LMCD1: variants seen among roughly 807,000 people sequenced by gnomAD.
The protein encoded by LMCD1 is LIM and cysteine-rich domains protein 1.
A neutral mutation model predicts 42.7 loss-of-function variants in LMCD1; 32 were observed. The ratio of observed to expected loss-of-function variants is 0.75; its 90% CI spans 0.57 to 1.01. LMCD1 has a LOEUF of 1.01. LMCD1 is among the 50% of genes least tolerant of loss of function. The pLI is 0.00. For missense variants in LMCD1, 458 were observed against 483.1 expected (o/e 0.95, Z 0.49); for synonymous variants, 178 against 184.9 (o/e 0.96, Z 0.30).
At chr3:8,512,188 AG>A (rs1218637194) in intron 1 of LMCD1, among the ~76,000 whole-genome samples, 1 of 152,250 alleles carries the variant, frequency 6.6e-6, no homozygotes, top group African/African-American at 2.4e-5. Flanking sequence ...TTTTGATGTT[AG>A]GAAGTGAGGA....
intron 3 of LMCD1, among the ~76,000 whole-genome samples, chr3:8,546,989 C>T (rs1241192810): frequency 1.3e-5 from 2 of 152,122 alleles, no homozygotes; most frequent in Non-Finnish European, 2.9e-5. Flanking sequence ...TAATTATTAC[C>T]ATTAATTGAA....
At chr3:8,520,798 C>A (rs1241540348) in intron 1 of LMCD1, among the ~76,000 whole-genome samples, 1 of 152,152 alleles carries the variant, frequency 6.6e-6, no homozygotes. Context: ...TAAAACAATG[C>A]CCACCCTTTG....
chr3:8,504,735 A>G (rs1693843342), intron 1 of LMCD1, among the ~76,000 whole-genome samples: 1 of 152,156 alleles, frequency 6.6e-6, no homozygotes, highest in Non-Finnish European at 1.5e-5. Context: ...TTCTATTAGG[A>G]AAGAGAAGGT....
At chr3:8,523,725 T>C (rs1220568595) in intron 1 of LMCD1, among the ~76,000 whole-genome samples, 2 of 152,162 alleles carry the variant, frequency 1.3e-5, no homozygotes, top group African/African-American at 4.8e-5. Flanking sequence ...AGGAAAAATA[T>C]AGATTGTGGA....
At chr3:8,519,196 TC>T (rs996459517) in intron 1 of LMCD1, among the ~76,000 whole-genome samples, 20 of 152,270 alleles carry the variant, frequency 1.3e-4, no homozygotes, top group Admixed American at 1.2e-3. Flanking sequence ...ATAATTACCA[TC>T]ATGGTAGATA....
chr3:8,570,667 G>C lies in LMCD1; in HGVS notation c.*3069G>C, dbSNP rs1004193132. The C allele has an allele frequency of 6.6e-6, 1 of 152,078 alleles. No homozygotes were observed. Among genetic ancestry groups the C allele is most frequent in the Admixed American group, 6.6e-5 (1 of 15,262 alleles). The allele number at this position is 152,078 out of a possible 1,614,324, so 9.4% of individuals were successfully genotyped here. ...GCTCAGACTGACAAGTCTCCCCGAC[G>C]GGAACTCACCCTCTCCACCCACCAC... is the stretch of plus-strand genomic sequence containing the variant. On this transcript the variant is annotated 3_prime_UTR_variant, in exon 6 of 6. Transcript: ENST00000157600.
chr3:8,502,417 T>TATAAA (rs1693777475), intron 1 of LMCD1, among the ~76,000 whole-genome samples: 2 of 103,198 alleles, frequency 1.9e-5, no homozygotes, highest in East Asian at 2.4e-4. Context: ...ATATATAATA[T>TATAAA]ATATATATGA....
chr3:8,567,066 T>C (rs1418894676), intron 5 of LMCD1, among the ~76,000 whole-genome samples: 1 of 152,206 alleles, frequency 6.6e-6, no homozygotes, highest in African/African-American at 2.4e-5. Context: ...AGTGACCCTC[T>C]GTATTCTTGC....
intron 1 of LMCD1, among the ~76,000 whole-genome samples, chr3:8,521,110 G>T (rs1694197177): frequency 1.3e-5 from 2 of 152,188 alleles, no homozygotes; most frequent in South Asian, 4.1e-4. Flanking sequence ...TCAGTCCAGT[G>T]GGGTCCCTTA....
chr3:8,504,691 G>C (rs1043161773), intron 1 of LMCD1, among the ~76,000 whole-genome samples: 2 of 152,198 alleles, frequency 1.3e-5, no homozygotes, highest in African/African-American at 4.8e-5. Flanking sequence ...TAAGTAAAAT[G>C]CTTCCACCGG....
intron 1 of LMCD1, among the ~76,000 whole-genome samples, chr3:8,510,312 C>T (rs1477868269): frequency 6.6e-6 from 1 of 152,146 alleles, no homozygotes; most frequent in Non-Finnish European, 1.5e-5. Flanking sequence ...AACCCTGGCT[C>T]GGCCAGCCAG....
chr3:8,561,909 A>G (rs1325213125), intron 4 of LMCD1, among the ~76,000 whole-genome samples: 1 of 152,158 alleles, frequency 6.6e-6, no homozygotes, highest in Non-Finnish European at 1.5e-5. Flanking sequence ...CTCCAAAATG[A>G]CTCAAAAGAT....
intron 4 of LMCD1, among the ~76,000 whole-genome samples, chr3:8,558,728 T>C (rs1694972682): frequency 6.6e-6 from 1 of 152,178 alleles, no homozygotes; most frequent in Non-Finnish European, 1.5e-5. Context: ...TAAAAAATAG[T>C]GTTGAGTTTA....
intron 4 of LMCD1, among the ~76,000 whole-genome samples, chr3:8,555,235 C>T (rs549784812): frequency 1.4e-5 from 2 of 146,742 alleles, no homozygotes; most frequent in South Asian, 2.4e-4. Flanking sequence ...CAGCAGCTGG[C>T]GGCTCAGCCC....
At chr3:8,546,686 A>C (rs1300085763) in intron 3 of LMCD1, among the ~76,000 whole-genome samples, 1 of 152,234 alleles carries the variant, frequency 6.6e-6, no homozygotes. Flanking sequence ...GAGAGACCAA[A>C]GCATACAGTG....
At chr3:8,558,095 ATTACTAC>A (rs1694960038) in intron 4 of LMCD1, among the ~76,000 whole-genome samples, 8 of 152,158 alleles carry the variant, frequency 5.3e-5, no homozygotes, top group Admixed American at 5.2e-4. Flanking sequence ...CACTGCCTTT[ATTACTAC>A]CCTGGGAGCT....
chr3:8,548,825 G>A lies in LMCD1; in HGVS notation c.645G>A (p.Gln215=), dbSNP rs759606631. The A allele has an allele frequency of 5.6e-5, 89 of 1,601,974 alleles. No homozygotes were observed. The Admixed American group carries it at 6.0e-4, about 11-fold the overall frequency. ...TGCCCAAGGAGGAGGGGAAGCAGCA[G>A]GAAAAGCCAGAGGGGGCAGAGACCA... The part of the protein sequence containing the change: ...GGLPKEEGKQ[Q]EKPEGAETTA... The change falls in exon 4 of 6, where the codon CAG becomes CAA. Residue 215 remains glutamine (Q), a synonymous_variant. Transcript: ENST00000157600.
At chr3:8,542,595 T>C (rs1158693405) in intron 3 of LMCD1, among the ~76,000 whole-genome samples, 1 of 152,182 alleles carries the variant, frequency 6.6e-6, no homozygotes, top group African/African-American at 2.4e-5. Context: ...CTGTTACCAC[T>C]TGATGCTTAC....
chr3:8,532,874 G>T lies in LMCD1; in HGVS notation c.131+49G>T, dbSNP rs182860218. ...CCCTGTCTGCCTTTGTTACTTGGCT[G>T]TCCTCTCGGGGAACCCTGGTTGCTT... On this transcript the variant is annotated intron_variant, in intron 2 of 5. Coordinates refer to ENST00000157600, the MANE Select transcript of LMCD1 (RefSeq NM_014583.4). 1,608 of 1,459,604 alleles carry T rather than the reference G, an allele frequency of 1.1e-3. 10 individuals carry two copies. The highest frequency in any genetic ancestry group is 7.0e-4 in the Middle Eastern group (4 of 5,752). 90.4% of individuals were successfully genotyped at this position (1,459,604 alleles called of 1,614,324 possible). A position where few individuals can be genotyped will look rare whatever the true frequency, so the allele number is the denominator to read the frequency against.
Sources: allele counts gnomAD v4.1 joint callset (sites outside exome capture counted in the v4.1 genomes callset), GRCh38; gene constraint gnomAD v4.1.1; transcripts MANE v1.5; gene names NCBI Gene and HGNC (gene_info 2026-07-23, HGNC 2026-07-21).